Variants in NPL observed in about 807,000 individuals in gnomAD.
NPL encodes N-acetylneuraminate pyruvate lyase, also known as N-acetylneuraminate lyase.
Under a neutral mutation model 41.1 loss-of-function variants are expected in NPL, and 32 were observed. The observed-to-expected ratio is 0.78, with a 90% CI of 0.59 to 1.05. The LOEUF (loss-of-function observed/expected upper bound fraction) is 1.05. NPL is among the 50% of genes least tolerant of loss of function. The pLI, the probability that NPL is intolerant of heterozygous loss-of-function variation, is 0.00. For synonymous variants in NPL, 128 were observed against 134.9 expected (o/e 0.95, Z 0.35); for missense variants, 321 against 378.4 (o/e 0.85, Z 1.26).
At chr1:182,790,613 TTTGTTGTTGTTGTTGTTGTTGTTG>T (rs148847511) in intron 1 of NPL, among the ~76,000 whole-genome samples, 1,558 of 150,482 alleles carry the variant, frequency 0.01, 25 homozygotes, top group African/African-American at 0.033. Flanking sequence ...GTTAAAGTCT[TTTGTTGTTGTTGTTGTTGTTGTTG>T]TTGTTGTTGT....
intron 6 of NPL, among the ~76,000 whole-genome samples, chr1:182,813,923 A>C (rs773132765): frequency 2.0e-5 from 3 of 152,246 alleles, no homozygotes; most frequent in Non-Finnish European, 2.9e-5. Flanking sequence ...CCAGTGCCTT[A>C]ATTGGGCTAT....
chr1:182,810,604 A>C (rs961803936), intron 5 of NPL, among the ~76,000 whole-genome samples: 1 of 152,118 alleles, frequency 6.6e-6, no homozygotes, highest in Non-Finnish European at 1.5e-5. Flanking sequence ...GACATTTTTT[A>C]AAATCCCTAA....
intron 10 of NPL, among the ~76,000 whole-genome samples, chr1:182,819,176 G>T (rs1667420105): frequency 6.6e-6 from 1 of 152,112 alleles, no homozygotes; most frequent in Non-Finnish European, 1.5e-5. Context: ...AAAGAAATGG[G>T]CCGGGCACAG....
chr1:182,815,304 C>T (rs1667292407), intron 7 of NPL, among the ~76,000 whole-genome samples: 1 of 152,110 alleles, frequency 6.6e-6, no homozygotes, highest in Non-Finnish European at 1.5e-5. Flanking sequence ...TCTAGAATAC[C>T]AAAGTATTGC....
At chr1:182,827,710 G>T (rs565630518) in intron 12 of NPL, among the ~76,000 whole-genome samples, 2 of 152,022 alleles carry the variant, frequency 1.3e-5, no homozygotes, top group South Asian at 2.1e-4. Flanking sequence ...TCTCTGAGAA[G>T]TCTCTTTCAG....
intron 8 of NPL, among the ~76,000 whole-genome samples, chr1:182,817,441 ATG>A (rs1391776948): frequency 6.6e-6 from 1 of 152,198 alleles, no homozygotes; most frequent in Non-Finnish European, 1.5e-5. Flanking sequence ...GGCCACCAAA[ATG>A]TGTGTGGGCA....
intron 12 of NPL, chr1:182,826,098 A>C (rs932679922): frequency 1.9e-6 from 1 of 520,980 alleles, no homozygotes; most frequent in Non-Finnish European, 3.5e-6. Flanking sequence ...TACTTGCTTC[A>C]GCTCATTAAA....
intron 10 of NPL, among the ~76,000 whole-genome samples, chr1:182,819,786 A>C (rs1667439924): frequency 6.6e-6 from 1 of 152,234 alleles, no homozygotes; most frequent in Non-Finnish European, 1.5e-5. Flanking sequence ...GGATGGACTC[A>C]CACTTTGTGA....
At chr1:182,807,052 A>G (rs936300095) in intron 5 of NPL, among the ~76,000 whole-genome samples, 7 of 152,024 alleles carry the variant, frequency 4.6e-5, no homozygotes, top group African/African-American at 1.4e-4. Flanking sequence ...GTTAGTCAGG[A>G]TGGTCTTGAT....
At chr1:182,794,232 G>T in intron 2 of NPL, 124 bp from the exon 3 acceptor site, 1 of 856,740 alleles carries the variant, frequency 1.2e-6, no homozygotes, top group Non-Finnish European at 2.0e-6. Context: ...TCTTGTACTT[G>T]CTCTGTGTGT....
Position 182,814,823 on chromosome 1 carries a change from T to C in NPL, c.329T>C (p.Val110Ala). The C allele has an allele frequency of 6.2e-7, 1 of 1,614,106 alleles. No homozygotes were observed. Among genetic ancestry groups the C allele is most frequent in the Non-Finnish European group, 8.5e-7 (1 of 1,179,968 alleles). The change falls in exon 7 of 13, where the codon GTC becomes GCC. Residue 110 changes from valine to alanine, a missense_variant. Val to Ala is a moderately conservative substitution (Grantham distance 64, BLOSUM62 0). Transcript: ENST00000367553. ...GAAATAGGAGCTGATGGCATCGCTGTCATTGCACCGTTCTTCCTCAAGCCA... is the reference window on the plus strand; with the variant it reads ...GAAATAGGAGCTGATGGCATCGCTGCCATTGCACCGTTCTTCCTCAAGCCA... ...AAEIGADGIA[V>A]IAPFFLKPWT...
At chr1:182,796,657 A>C (rs1277617082) in intron 3 of NPL, among the ~76,000 whole-genome samples, 2 of 152,196 alleles carry the variant, frequency 1.3e-5, no homozygotes, top group African/African-American at 4.8e-5. Context: ...ATGGGTAAGT[A>C]GATCTTAGTG....
Position 182,818,637 on chromosome 1 carries a change from GTGT to G in NPL, c.557_559del (p.Val186del). 6.2e-7 allele frequency: 1 copy of G among 1,614,226 alleles called. No homozygotes were observed. The highest frequency in any genetic ancestry group is 8.5e-7 in the Non-Finnish European group (1 of 1,180,042). On this transcript the variant is annotated inframe_deletion, in exon 9 of 13. Transcript: ENST00000367553. ...ACAGATCTCTTAGACTTCGGGCAATGTGTTGATCAGAATCGCCAGCAACAGTTT... is the reference window on the plus strand; with the variant it reads ...ACAGATCTCTTAGACTTCGGGCAATGTGATCAGAATCGCCAGCAACAGTTT...
intron 4 of NPL, among the ~76,000 whole-genome samples, chr1:182,805,141 T>G (rs562102903): frequency 6.6e-6 from 1 of 152,062 alleles, no homozygotes; most frequent in Non-Finnish European, 1.5e-5. Flanking sequence ...AAGAAATGAT[T>G]GTAGTAGGCC....
At position 182,829,697 on chromosome 1, in the gene NPL, C is replaced by T. The variant is rs1269282316; in HGVS notation, c.*789C>T. The T allele has an allele frequency of 1.4e-6, 2 of 1,415,944 alleles. No individual in the cohort carries two copies. The highest frequency in any genetic ancestry group is 5.0e-5 in the East Asian group (2 of 40,290). The allele number at this position is 1,415,944 out of a possible 1,614,324, so 87.7% of individuals were successfully genotyped here. A position where few individuals can be genotyped will look rare whatever the true frequency, so the allele number is the denominator to read the frequency against. On this transcript the variant is annotated 3_prime_UTR_variant, in exon 13 of 13. Coordinates refer to ENST00000367553, the MANE Select transcript of NPL (RefSeq NM_030769.3). ...TCCACTGAGAAGACTGTCTCTCCCG[C>T]AGGACCCTGAATTATTGAAATCGAA... is the stretch of plus-strand genomic sequence containing the variant.
intron 2 of NPL, 153 bp from the exon 3 acceptor site, chr1:182,794,203 A>T: frequency 1.4e-6 from 1 of 731,804 alleles, no homozygotes; most frequent in Non-Finnish European, 2.5e-6. Context: ...CAATAGAATT[A>T]AGCACTAAAA....
chr1:182,823,661 T>G (rs150926446), intron 11 of NPL, among the ~76,000 whole-genome samples: 53 of 152,314 alleles, frequency 3.5e-4, no homozygotes, highest in African/African-American at 1.2e-3. Context: ...AAAGGTTATT[T>G]CTGAAAATTC....
At chr1:182,814,701 T>C in intron 6 of NPL, 82 bp from the exon 7 acceptor site, 4 of 1,144,820 alleles carry the variant, frequency 3.5e-6, no homozygotes, top group Non-Finnish European at 5.3e-6. Context: ...TTTGAAGAGC[T>C]TGTTACTGAT....
chr1:182,805,415 G>C (rs1248257791), intron 4 of NPL, among the ~76,000 whole-genome samples: 1 of 152,082 alleles, frequency 6.6e-6, no homozygotes, highest in Non-Finnish European at 1.5e-5. Flanking sequence ...TGGGCGACAA[G>C]AGCAAAATTC....
Sources: allele counts gnomAD v4.1 joint callset (sites outside exome capture counted in the v4.1 genomes callset), GRCh38; gene constraint gnomAD v4.1.1; transcripts MANE v1.5; gene names NCBI Gene and HGNC (gene_info 2026-07-23, HGNC 2026-07-21).